The following STAU2 variants were observed in gnomAD, a reference collection of about 807,000 sequenced individuals.
STAU2 encodes staufen double-stranded RNA binding protein 2, also known as double-stranded RNA-binding protein Staufen homolog 2.
In STAU2, 20 loss-of-function variants were observed where a neutral mutation model predicts 65.9. The observed-to-expected ratio is 0.30, with a 90% CI of 0.21 to 0.44. The LOEUF (loss-of-function observed/expected upper bound fraction) is 0.44, where lower values mean the gene tolerates loss of function less well. STAU2 is among the 20% of genes least tolerant of loss of function. The probability of loss-of-function intolerance (pLI) is 1.00; values close to 1 mark genes in which losing one functional copy is unlikely to be tolerated. For missense variants in STAU2, 558 were observed against 683.9 expected, an observed-to-expected ratio of 0.82 and a Z score of 2.05; for synonymous variants, 232 against 233.9, an observed-to-expected ratio of 0.99 and a Z score of 0.07.
intron 13 of STAU2, among the ~76,000 whole-genome samples, chr8:73,482,471 T>G (rs116510249): frequency 0.02 from 3,038 of 152,202 alleles, 93 homozygotes; most frequent in African/African-American, 0.07. Context: ...ATCCTTCGCC[T>G]TGGCACTTTG....
chr8:73,704,695 A>G (rs1396748742), intron 4 of STAU2, among the ~76,000 whole-genome samples: 1 of 152,152 alleles, frequency 6.6e-6, no homozygotes, highest in East Asian at 1.9e-4. Context: ...TTTGAGATGG[A>G]GTCTCCCTCT....
chr8:73,492,626 T>G (rs1335956282), intron 13 of STAU2, among the ~76,000 whole-genome samples: 1 of 151,904 alleles, frequency 6.6e-6, no homozygotes, highest in Non-Finnish European at 1.5e-5. Flanking sequence ...TTCTTGTTAT[T>G]AAAATTCATC....
At chr8:73,704,396 T>A (rs551626123) in intron 4 of STAU2, among the ~76,000 whole-genome samples, 4 of 152,150 alleles carry the variant, frequency 2.6e-5, no homozygotes, top group Non-Finnish European at 5.9e-5. Context: ...TAAAAAGACA[T>A]CTCTAAGTCT....
upstream of STAU2, chr8:73,747,342 T>A (rs1375359692): frequency 6.5e-7 from 1 of 1,529,824 alleles, no homozygotes; most frequent in Non-Finnish European, 8.7e-7. Context: ...ACTGACCGTC[T>A]GCTCTTTCTG....
chr8:73,745,471 G>A (rs1200737991), intron 1 of STAU2, among the ~76,000 whole-genome samples: 1 of 152,210 alleles, frequency 6.6e-6, no homozygotes, highest in Non-Finnish European at 1.5e-5. Flanking sequence ...CTATCACCCT[G>A]CCTGTCCATC....
At chr8:73,630,164 A>T (rs1456628704) in intron 6 of STAU2, among the ~76,000 whole-genome samples, 9 of 152,248 alleles carry the variant, frequency 5.9e-5, no homozygotes, top group Non-Finnish European at 1.2e-4. Flanking sequence ...TTTTTCCTGC[A>T]CAAATCCTCT....
rs116569644 is a variant in STAU2 at position 73,546,621 on chromosome 8, T to C, written c.1530+5391A>G. ...TTATGTCAGAGCAATTTTTTGAGTA[T>C]GCAAAAATCTTTTACATGCAACATT... is the stretch of plus-strand genomic sequence containing the variant. On this transcript the variant is annotated intron_variant, in intron 13 of 14. Coordinates refer to ENST00000524300, the MANE Select transcript of STAU2 (RefSeq NM_001164380.2). 2.4e-3 allele frequency among the ~76,000 whole-genome samples: 368 copies of C among 152,318 alleles called. 3 individuals are homozygous for C. The highest frequency in any genetic ancestry group is 8.2e-3 in the African/African-American group (340 of 41,564).
intron 13 of STAU2, among the ~76,000 whole-genome samples, chr8:73,518,261 G>C (rs1448832911): frequency 6.6e-6 from 1 of 152,164 alleles, no homozygotes; most frequent in Non-Finnish European, 1.5e-5. Context: ...AATACTTCCA[G>C]AAAACTGGCT....
intron 3 of STAU2, among the ~76,000 whole-genome samples, chr8:73,728,463 C>A (rs78826538): frequency 0.027 from 3,497 of 129,296 alleles, no homozygotes; most frequent in Non-Finnish European, 0.031. Context: ...CCAACTTTTG[C>A]AAAAAAAAAA....
chr8:73,442,303 G>A (rs1022713365), intron 13 of STAU2, among the ~76,000 whole-genome samples: 4 of 148,774 alleles, frequency 2.7e-5, no homozygotes, highest in East Asian at 2.0e-4. Context: ...GCAGTGAGGC[G>A]AGATTGCACC....
chr8:73,548,489 T>C (rs577456062), intron 13 of STAU2, among the ~76,000 whole-genome samples: 2 of 152,212 alleles, frequency 1.3e-5, no homozygotes, highest in South Asian at 4.1e-4. Flanking sequence ...AAACCTGCTA[T>C]CATCATATTA....
At chr8:73,684,640 A>G (rs192956654) in intron 5 of STAU2, among the ~76,000 whole-genome samples, 217 of 152,332 alleles carry the variant, frequency 1.4e-3, no homozygotes, top group Non-Finnish European at 2.5e-3. Flanking sequence ...GCTTCTGCAC[A>G]GTTAAATAAA....
chr8:73,444,874 G>A (rs1347626209), intron 13 of STAU2, among the ~76,000 whole-genome samples: 1 of 152,128 alleles, frequency 6.6e-6, no homozygotes, highest in Non-Finnish European at 1.5e-5. Context: ...GAGGACACAG[G>A]GACCACATGC....
chr8:73,578,784 T>C (rs1200563821), intron 12 of STAU2, among the ~76,000 whole-genome samples: 2 of 152,196 alleles, frequency 1.3e-5, no homozygotes, highest in Admixed American at 1.3e-4. Flanking sequence ...AATAATTAAG[T>C]TGGATCACTC....
intron 13 of STAU2, among the ~76,000 whole-genome samples, chr8:73,443,054 T>C (rs1162286586): frequency 6.6e-6 from 1 of 152,208 alleles, no homozygotes; most frequent in East Asian, 1.9e-4. Flanking sequence ...GGGCAAGGGA[T>C]GTTATATCAA....
At chr8:73,550,066 G>A in intron 13 of STAU2, 2 of 985,388 alleles carry the variant, frequency 2.0e-6, no homozygotes, top group African/African-American at 3.5e-5. Flanking sequence ...CGGAGATTCT[G>A]CTCACTGCTT....
intron 13 of STAU2, among the ~76,000 whole-genome samples, chr8:73,472,539 C>T (rs1036780607): frequency 6.6e-6 from 1 of 152,140 alleles, no homozygotes. Context: ...GGAATAATTA[C>T]TTAAAATATA....
intron 13 of STAU2, among the ~76,000 whole-genome samples, chr8:73,485,721 C>G (rs1260540248): frequency 6.6e-6 from 1 of 152,044 alleles, no homozygotes; most frequent in African/African-American, 2.4e-5. Context: ...ATAGTCCCAG[C>G]TACTCAGGAG....
At chr8:73,640,884 G>A (rs1814909052) in intron 6 of STAU2, among the ~76,000 whole-genome samples, 1 of 151,832 alleles carries the variant, frequency 6.6e-6, no homozygotes, top group African/African-American at 2.4e-5. Flanking sequence ...AGTATAATCT[G>A]CCAAAATAAT....
Sources: gnomAD v4.1 joint callset for allele counts (sites outside exome capture counted in the v4.1 genomes callset) on GRCh38, gnomAD v4.1.1 for gene constraint, MANE v1.5 for transcripts, NCBI Gene and HGNC (gene_info 2026-07-23, HGNC 2026-07-21) for gene names.